The following CCPG1 variants were observed in gnomAD, a reference collection of about 807,000 sequenced individuals.
CCPG1 encodes cell cycle progression 1.
In CCPG1, 46 loss-of-function variants were observed where a neutral mutation model predicts 81.3. The observed-to-expected ratio is 0.57, with a 90% CI of 0.45 to 0.72. The LOEUF is 0.72. Ranked by LOEUF, CCPG1 falls within the 30% of genes least tolerant of loss-of-function variation. CCPG1 has a pLI of 0.00. For missense variants in CCPG1, 902 were observed against 937.6 expected (o/e 0.96, Z 0.50); for synonymous variants, 330 against 305.2 (o/e 1.08, Z -0.85).
At chr15:55,383,931 G>C (rs1377503785) in intron 3 of CCPG1, among the ~76,000 whole-genome samples, 2 of 152,166 alleles carry the variant, frequency 1.3e-5, no homozygotes, top group Non-Finnish European at 2.9e-5. Flanking sequence ...TATCATTCAT[G>C]TGTTCACTAA....
chr15:55,407,120 C>A (rs531582321), intron 1 of CCPG1, among the ~76,000 whole-genome samples: 10 of 150,222 alleles, frequency 6.7e-5, no homozygotes, highest in Non-Finnish European at 1.2e-4. Flanking sequence ...CCCAGATACT[C>A]GGGAGGCTGA....
At chr15:55,362,524 C>T (rs2056224275) in intron 7 of CCPG1, among the ~76,000 whole-genome samples, 1 of 152,156 alleles carries the variant, frequency 6.6e-6, no homozygotes. Flanking sequence ...TTCTACCCAA[C>T]AGCAGTGGAC....
rs765764434 is a variant in CCPG1, at chr15:55,360,118, A to C, written c.1655T>G (p.Phe552Cys). 3.1e-6 allele frequency: 5 copies of C among 1,613,852 alleles called. No homozygotes were observed. ...NIFDEKGNKR[F>C]GATKEAAEKP... ...TTCAGCTGCTTCTTTTGTAGCACCA[A>C]ATCTTTTATTACCCTTTTCATCAAA... The change falls in exon 8 of 9, where the codon TTT becomes TGT. Residue 552 changes from phenylalanine to cysteine, a missense_variant. Around this residue, in one of 3 missense-constraint regions of CCPG1, gnomAD observed 746 missense variants for 728.6 expected, o/e 1.02. Coordinates refer to ENST00000442196, the MANE Select transcript of CCPG1 (RefSeq NM_001204450.2).
chr15:55,360,219 C>T lies in CCPG1; in HGVS notation c.1554G>A (p.Val518=), dbSNP rs2056163024. The T allele has an allele frequency of 1.9e-6, 3 of 1,613,658 alleles. No homozygotes were observed. The highest frequency in any genetic ancestry group is 2.5e-6 in the Non-Finnish European group (3 of 1,179,926). The change falls in exon 8 of 9, where the codon GTG becomes GTA. Residue 518 remains valine, a synonymous_variant. Coordinates refer to ENST00000442196, the MANE Select transcript of CCPG1 (RefSeq NM_001204450.2). ...CTGAGAATTTTTTCAGATTTTCCTTCACAGCTTCTTTAGCCTGCTTAATTT... is the reference window on the plus strand; with the variant it reads ...CTGAGAATTTTTTCAGATTTTCCTTTACAGCTTCTTTAGCCTGCTTAATTT... The part of the protein sequence containing the change: ...KEKIKQAKEA[V]KENLKKFSDS...
intron 5 of CCPG1, 86 bp from the exon 6 acceptor site, chr15:55,372,130 C>T: frequency 8.0e-7 from 1 of 1,249,002 alleles, no homozygotes; most frequent in Non-Finnish European, 1.1e-6. Flanking sequence ...TCAATGCCAT[C>T]CCTTACATGC....
intron 8 of CCPG1, 94 bp downstream of exon 8, chr15:55,359,445 G>A (rs2056146134): frequency 2.0e-6 from 3 of 1,482,228 alleles, no homozygotes; most frequent in Non-Finnish European, 2.7e-6. Context: ...CTTAGAAACG[G>A]TAACCTTACA....
intron 1 of CCPG1, among the ~76,000 whole-genome samples, chr15:55,404,798 G>A (rs964430235): frequency 8.5e-5 from 13 of 152,146 alleles, no homozygotes; most frequent in South Asian, 4.1e-4. Context: ...AGGGCCAGGT[G>A]CGGTGGCTCA....
At chr15:55,372,347 C>T (rs577021964) in intron 5 of CCPG1, 47 of 327,558 alleles carry the variant, frequency 1.4e-4, no homozygotes, top group Non-Finnish European at 2.5e-4. Flanking sequence ...TTAGAACAAT[C>T]CTTCATTCGC....
At chr15:55,405,439 C>G (rs2057199904) in intron 1 of CCPG1, among the ~76,000 whole-genome samples, 1 of 152,082 alleles carries the variant, frequency 6.6e-6, no homozygotes, top group African/African-American at 2.4e-5. Context: ...GCAGGAGAAT[C>G]ACACTTGAAC....
chr15:55,384,909 CTT>C (rs1258729432), intron 3 of CCPG1, among the ~76,000 whole-genome samples: 2 of 152,150 alleles, frequency 1.3e-5, no homozygotes, highest in Non-Finnish European at 2.9e-5. Context: ...TAGTAAATCT[CTT>C]GTGATCAATG....
Position 55,355,278 on chromosome 15 carries a change from G to C in CCPG1, c.*942C>G. On this transcript the variant is annotated 3_prime_UTR_variant, in exon 9 of 9. Transcript: ENST00000442196. The stretch of plus-strand genomic sequence containing the variant: ...CCTTTATTTACTTAAACATTTATTT[G>C]CTTCTAGGAAATAAGCGCTTTCCTA... The C allele has an allele frequency of 1.3e-6, 2 of 1,594,878 alleles. No homozygotes were observed. The highest frequency in any genetic ancestry group is 1.7e-6 in the Non-Finnish European group (2 of 1,168,536).
intron 7 of CCPG1, among the ~76,000 whole-genome samples, chr15:55,363,799 C>CTT (rs565044184): frequency 0.043 from 4,043 of 93,646 alleles, 365 homozygotes; most frequent in African/African-American, 0.13. Flanking sequence ...TTTCCTTTTC[C>CTT]TTTTTTTTTT....
intron 1 of CCPG1, among the ~76,000 whole-genome samples, chr15:55,407,037 A>ACCCACCCCCCCCCCCCCC (rs1308149562): frequency 8.9e-6 from 1 of 112,686 alleles, no homozygotes; most frequent in Non-Finnish European, 1.8e-5. Context: ...ACACGTTGAG[A>ACCCACCCCCCCCCCCCCC]CCCCCCCCCC....
intron 2 of CCPG1, among the ~76,000 whole-genome samples, chr15:55,386,870 C>A (rs1428558530): frequency 4.6e-5 from 7 of 150,606 alleles, no homozygotes; most frequent in Non-Finnish European, 8.8e-5. Context: ...GCACTCCAGC[C>A]TGGGCGACAG....
chr15:55,363,468 A>G (rs896221977), intron 7 of CCPG1, among the ~76,000 whole-genome samples: 1 of 150,748 alleles, frequency 6.6e-6, no homozygotes, highest in African/African-American at 2.4e-5. Context: ...GAACCAGAAA[A>G]CACTGTGGTG....
At chr15:55,403,335 CA>C (rs1483692419) in intron 1 of CCPG1, among the ~76,000 whole-genome samples, 1 of 151,394 alleles carries the variant, frequency 6.6e-6, no homozygotes, top group African/African-American at 2.4e-5. Context: ...TACATTTCAA[CA>C]TGCTGGCAAT....
At chr15:55,374,370 C>T (rs978801225) in intron 5 of CCPG1, 8 of 493,520 alleles carry the variant, frequency 1.6e-5, no homozygotes, top group South Asian at 4.0e-5. Flanking sequence ...AAAATTAAAA[C>T]GTAATAACCA....
At chr15:55,357,434 C>T (rs1026734192) in intron 8 of CCPG1, 1 of 985,498 alleles carries the variant, frequency 1.0e-6, no homozygotes. Flanking sequence ...CATCAATCCT[C>T]TAGGCTGCTA....
At chr15:55,388,703 T>C (rs2056852604) in intron 2 of CCPG1, among the ~76,000 whole-genome samples, 1 of 151,872 alleles carries the variant, frequency 6.6e-6, no homozygotes, top group Admixed American at 6.6e-5. Flanking sequence ...CATGGTACTA[T>C]GATTGCACAT....
Sources: gnomAD v4.1 joint callset for allele counts (sites outside exome capture counted in the v4.1 genomes callset) on GRCh38, gnomAD v4.1.1 for gene constraint, gnomAD v4.1.1 regional missense constraint, MANE v1.5 for transcripts, NCBI Gene and HGNC (gene_info 2026-07-23, HGNC 2026-07-21) for gene names.